The following ANKHD1 variants were observed in gnomAD, a reference collection of about 807,000 sequenced individuals.
ANKHD1 encodes ankyrin repeat and KH domain-containing protein 1.
In ANKHD1, 31 loss-of-function variants were observed where a neutral mutation model predicts 230.5. The observed-to-expected ratio is 0.13, with a 90% confidence interval of 0.10 to 0.18. The LOEUF is 0.18. Among genes scored for constraint, ANKHD1 ranks in the 10% least tolerant of loss-of-function variants. ANKHD1 has a pLI of 1.00. For missense variants in ANKHD1, 2,256 were observed against 3,071.3 expected (o/e 0.73, Z 6.27); for synonymous variants, 1,074 against 1,117.6 (o/e 0.96, Z 0.78).
At chr5:140,495,900 G>T (rs1033545108) in intron 14 of ANKHD1, among the ~76,000 whole-genome samples, 1 of 152,108 alleles carries the variant, frequency 6.6e-6, no homozygotes, top group African/African-American at 2.4e-5. Flanking sequence ...CAGTACAGAT[G>T]TGTTAAAGGT....
intron 10 of ANKHD1, among the ~76,000 whole-genome samples, chr5:140,467,628 G>C (rs1776183867): frequency 6.6e-6 from 1 of 152,134 alleles, no homozygotes; most frequent in South Asian, 2.1e-4. Flanking sequence ...AATGTGGAAA[G>C]TATGGGAAAG....
At position 140,503,631 on chromosome 5, in the gene ANKHD1, G is replaced by A. The variant is rs554714923; in HGVS notation, c.3005-1190G>A. Among the ~76,000 whole-genome samples, 3 of 122,310 alleles carry A rather than the reference G, an allele frequency of 2.5e-5. No homozygotes were observed. In the South Asian group the frequency reaches 8.1e-4, roughly 33 times the overall value. The allele number at this position is 122,310 out of a possible 152,430, so 80.2% of individuals were successfully genotyped here. On this transcript the variant is annotated intron_variant, in intron 15 of 33. Coordinates refer to ENST00000360839, the MANE Select transcript of ANKHD1 (RefSeq NM_017747.3). ...TGCCCATGCTGGAGTGCAGTGGTGCGATCCTAGCTCACTGCAACCTCCGCC... is the reference window on the plus strand; with the variant it reads ...TGCCCATGCTGGAGTGCAGTGGTGCAATCCTAGCTCACTGCAACCTCCGCC...
At chr5:140,453,048 G>GGCACAAGAACTATGTGATGAAT (rs1774876446) in intron 7 of ANKHD1, among the ~76,000 whole-genome samples, 1 of 152,194 alleles carries the variant, frequency 6.6e-6, no homozygotes. Flanking sequence ...TGAAGACCAT[G>GGCACAAGAACTATGTGATGAAT]GCACAAGAAC....
At chr5:140,422,070 G>A (rs1772024222) in intron 1 of ANKHD1, among the ~76,000 whole-genome samples, 1 of 152,118 alleles carries the variant, frequency 6.6e-6, no homozygotes, top group Non-Finnish European at 1.5e-5. Flanking sequence ...ACAGAATTAT[G>A]TCCTTTAAAG....
intron 9 of ANKHD1, among the ~76,000 whole-genome samples, chr5:140,462,169 CT>C (rs1012056714): frequency 1.2e-4 from 17 of 144,548 alleles, no homozygotes; most frequent in South Asian, 2.2e-4. Context: ...AGGTTTGATT[CT>C]TTTTTTTTTG....
chr5:140,514,880 G>A (rs1281578348), intron 24 of ANKHD1, among the ~76,000 whole-genome samples: 3 of 152,016 alleles, frequency 2.0e-5, no homozygotes, highest in African/African-American at 7.2e-5. Flanking sequence ...GCTGAGGCGA[G>A]AGGATCTCTT....
Position 140,402,245 on chromosome 5 carries a change from C to G in ANKHD1, c.278C>G (p.Ser93Cys), listed in dbSNP as rs1294640119. The G allele has an allele frequency of 6.6e-7, 1 of 1,506,130 alleles. No individual in the cohort carries two copies. The highest frequency in any genetic ancestry group is 8.8e-7 in the Non-Finnish European group (1 of 1,133,430). The allele number at this position is 1,506,130 out of a possible 1,614,324, so 93.3% of individuals were successfully genotyped here. A position where few individuals can be genotyped will look rare whatever the true frequency, so the allele number is the denominator to read the frequency against. Residue 93 changes from serine (S) to cysteine (C), a missense_variant, in exon 1 of 34, where the codon TCT becomes TGT. Ser to Cys is a moderately radical substitution (Grantham distance 112). Transcript: ENST00000360839. ...AGGACCGGGGGTGGAGGTGGTGCCT[C>G]TGGCAGTGACGAGGACGAAGTGTCC... Reference protein sequence around the residue: ...VLRTGGGGGASGSDEDEVSEV... With the variant: ...VLRTGGGGGACGSDEDEVSEV...
In ANKHD1 at chr5:140,526,093, A is replaced by T. The variant is rs761263851; in HGVS notation, c.4590A>T (p.Lys1530Asn). Residue 1530 changes from lysine to asparagine, a missense_variant, in exon 26 of 34, where the codon AAA (lysine) becomes AAT (asparagine). Physicochemically the swap from Lys to Asn is moderately conservative, Grantham distance 94 (BLOSUM62 0). This residue lies in a region of ANKHD1 where 212 missense variants were observed against 257.3 expected (regional missense o/e 0.82). Coordinates refer to ENST00000360839, the MANE Select transcript of ANKHD1 (RefSeq NM_017747.3). ...TSATFTNVFG[K>N]KRANVVTTPS... ...CAACATTCACAAATGTGTTTGGGAA[A>T]AAAAGGGCCAATGTGGTGACAACTC... The T allele has an allele frequency of 6.2e-7, 1 of 1,613,642 alleles. No individual in the cohort carries two copies. The highest frequency in any genetic ancestry group is 1.3e-5 in the African/African-American group (1 of 74,876).
chr5:140,404,967 C>CTGTGTGTGTGTGTGTGTG (rs35692572), intron 1 of ANKHD1, among the ~76,000 whole-genome samples: 4 of 134,832 alleles, frequency 3.0e-5, no homozygotes, highest in Non-Finnish European at 6.5e-5. Flanking sequence ...CTGTGCATGT[C>CTGTGTGTGTGTGTGTGTG]TGTGTGTGTG....
Position 140,436,193 on chromosome 5 carries a change from A to G in ANKHD1, c.396A>G (p.Gly132=), listed in dbSNP as rs1046002627. 2.0e-5 allele frequency: 32 copies of G among 1,610,994 alleles called. No individual in the cohort carries two copies. The Admixed American group carries it at 4.7e-4, about 24-fold the overall frequency. Residue 132 remains glycine, a synonymous_variant, in exon 2 of 34, where the codon GGA becomes GGG. Transcript: ENST00000360839. ...SEIFLSSTAE[G]ADLRTVDPET... ...TATTCTTATCAAGTACTGCAGAAGG[A>G]GCAGACTTACGCACTGTGGATCCAG...
chr5:140,444,942 G>A lies in ANKHD1; in HGVS notation c.914-800G>A, dbSNP rs189884112. Among the ~76,000 whole-genome samples, 37 of 152,066 alleles carry A rather than the reference G, an allele frequency of 2.4e-4. No individual in the cohort carries two copies. The South Asian group carries it at 7.7e-3, about 32-fold the overall frequency. Reference sequence around the variant, plus strand: ...TATTGGGCTTTCCAGAAAGTCTTTTGTATTGGGCTGAAGTGATCCTCCCAC... The same window carrying A: ...TATTGGGCTTTCCAGAAAGTCTTTTATATTGGGCTGAAGTGATCCTCCCAC... On this transcript the variant is annotated intron_variant, in intron 5 of 33. Transcript: ENST00000360839.
chr5:140,481,635 G>T (rs1751279704), intron 10 of ANKHD1, among the ~76,000 whole-genome samples: 1 of 151,848 alleles, frequency 6.6e-6, no homozygotes, highest in Admixed American at 6.6e-5. Flanking sequence ...TATTCTATTG[G>T]GAGAGCACAT....
chr5:140,495,838 A>C (rs1752008994), intron 14 of ANKHD1, among the ~76,000 whole-genome samples: 2 of 152,146 alleles, frequency 1.3e-5, no homozygotes, highest in Non-Finnish European at 2.9e-5. Flanking sequence ...ATTTACTTGA[A>C]GTGTTCATTT....
rs549766701 is a variant in ANKHD1, at chr5:140,429,093, T to C, written c.307-7011T>C. Among the ~76,000 whole-genome samples, 604 of 145,070 alleles carry C rather than the reference T, an allele frequency of 4.2e-3. 3 individuals carry two copies. The highest frequency in any genetic ancestry group is 0.015 in the African/African-American group (573 of 39,150). ...AAGCTACCATGCCCGGCCTAGAATT[T>C]TTTTTTTTTTTTTTTTGTGAGATGG... On this transcript the variant is annotated intron_variant, in intron 1 of 33. Transcript: ENST00000360839.
rs1216489333 is a variant in ANKHD1 at position 140,497,292 on chromosome 5, T to TA, written c.3004+15dup. 1.3e-6 allele frequency: 2 copies of TA among 1,583,314 alleles called. No individual in the cohort carries two copies. Among genetic ancestry groups the TA allele is most frequent in the Non-Finnish European group, 1.7e-6 (2 of 1,171,806 alleles). On this transcript the variant is annotated intron_variant, in intron 15 of 33. Coordinates refer to ENST00000360839, the MANE Select transcript of ANKHD1 (RefSeq NM_017747.3). ...ACCTGATAGCAGGTGGGTTAAGAAATATATCTGTAATAATTTCTCTTTAAT... is the reference window on the plus strand; with the variant it reads ...ACCTGATAGCAGGTGGGTTAAGAAATAATATCTGTAATAATTTCTCTTTAAT...
intron 3 of ANKHD1, 92 bp downstream of exon 3, chr5:140,438,709 G>A: frequency 6.9e-7 from 1 of 1,439,986 alleles, no homozygotes; most frequent in Non-Finnish European, 9.2e-7. Context: ...TTTTGGTGGA[G>A]CTTATAAACT....
intron 25 of ANKHD1, among the ~76,000 whole-genome samples, chr5:140,525,175 A>G (rs1268999219): frequency 6.6e-6 from 1 of 152,150 alleles, no homozygotes. Context: ...TGTGTGTCCT[A>G]TACCACCTTA....
intron 29 of ANKHD1, among the ~76,000 whole-genome samples, chr5:140,533,648 C>G (rs935296602): frequency 2.6e-5 from 4 of 151,568 alleles, no homozygotes; most frequent in Non-Finnish European, 4.4e-5. Context: ...GTGGTACACG[C>G]TTGTAGTCCC....
intron 9 of ANKHD1, among the ~76,000 whole-genome samples, chr5:140,461,825 C>G (rs1020805142): frequency 1.3e-5 from 2 of 152,028 alleles, no homozygotes; most frequent in Non-Finnish European, 2.9e-5. Flanking sequence ...TAATGAGTTT[C>G]TTAGCAAATA....
Sources: gnomAD v4.1 joint callset for allele counts (sites outside exome capture counted in the v4.1 genomes callset) on GRCh38, gnomAD v4.1.1 for gene constraint, gnomAD v4.1.1 regional missense constraint, MANE v1.5 for transcripts, NCBI Gene and HGNC (gene_info 2026-07-23, HGNC 2026-07-21) for gene names.